Variants in USP6NL observed in about 807,000 individuals in gnomAD.
The protein encoded by USP6NL is USP6 N-terminal like.
A neutral mutation model predicts 61.9 loss-of-function variants in USP6NL; 26 were observed. That is an observed-to-expected ratio of 0.42 (90% CI 0.31 to 0.58). The LOEUF (loss-of-function observed/expected upper bound fraction) is 0.58. Among genes scored for constraint, USP6NL ranks in the 20% least tolerant of loss-of-function variants. The pLI is 0.16. For synonymous variants in USP6NL, 432 were observed against 390.1 expected, an observed-to-expected ratio of 1.11 and a Z score of -1.27; for missense variants, 1,114 against 1,034.3, an observed-to-expected ratio of 1.08 and a Z score of -1.06.
chr10:11,604,370 A>C (rs941040503), intron 1 of USP6NL, among the ~76,000 whole-genome samples: 6 of 152,186 alleles, frequency 3.9e-5, no homozygotes, highest in African/African-American at 1.4e-4. Context: ...CAGCTAAAAC[A>C]AGCTGGTCTA....
Position 11,562,431 on chromosome 10 carries a change from A to G in USP6NL, c.5-34864T>C, listed in dbSNP as rs1186999728. The G allele has an allele frequency of 2.0e-6, 2 of 985,218 alleles. No individual in the cohort carries two copies. Among genetic ancestry groups the G allele is most frequent in the Non-Finnish European group, 2.4e-6 (2 of 829,936 alleles). The allele number at this position is 985,218 out of a possible 1,614,324, so 61.0% of individuals were successfully genotyped here. ...TTCTTCTTGCTTGGCTCTTGGACCT[A>G]AGGATGAAGACGCAGCAGTCATCAC... On this transcript the variant is annotated intron_variant, in intron 2 of 14. Transcript: ENST00000609104. This position sits in a 1 kb window ranked among gnomAD's most constrained non-coding sequence, Gnocchi z 4.8.
intron 2 of USP6NL, among the ~76,000 whole-genome samples, chr10:11,551,838 G>A (rs1170441728): frequency 6.6e-6 from 1 of 152,122 alleles, no homozygotes; most frequent in Non-Finnish European, 1.5e-5. Context: ...CTGTAATTTT[G>A]TATCAAATTA....
At chr10:11,576,994 ATATTTCTC>A (rs1837571317) in intron 2 of USP6NL, among the ~76,000 whole-genome samples, 2 of 151,838 alleles carry the variant, frequency 1.3e-5, no homozygotes, top group Non-Finnish European at 2.9e-5. Context: ...AAAACATGGT[ATATTTCTC>A]TATTTCTAGG....
At chr10:11,550,952 T>G (rs1297551334) in intron 2 of USP6NL, among the ~76,000 whole-genome samples, 1 of 152,084 alleles carries the variant, frequency 6.6e-6, no homozygotes, top group Admixed American at 6.5e-5. Flanking sequence ...GGTACCACTA[T>G]GGTCAAAGTT....
In USP6NL at chr10:11,513,358, G is replaced by A. The variant is rs529942378; in HGVS notation, c.196-3683C>T. 3.9e-5 allele frequency among the ~76,000 whole-genome samples: 6 copies of A among 152,278 alleles called. No homozygotes were observed. The highest frequency in any genetic ancestry group is 3.9e-4 in the East Asian group (2 of 5,184). On this transcript the variant is annotated intron_variant, in intron 5 of 14. Coordinates refer to ENST00000609104, the MANE Select transcript of USP6NL (RefSeq NM_014688.5). This position sits in a 1 kb window ranked among gnomAD's most constrained non-coding sequence, Gnocchi z 4.7. ...TAGAAATGGAATTATTCCATCATGC[G>A]GGTAACACTTTTCAAAGTGTTGCCA... is the stretch of plus-strand genomic sequence containing the variant.
rs568944611 is a variant in USP6NL, at chr10:11,476,540, C to G, written c.1078+5230G>C. On this transcript the variant is annotated intron_variant, in intron 14 of 14. Transcript: ENST00000609104. This position sits in a 1 kb window ranked among gnomAD's most constrained non-coding sequence, Gnocchi z 4.3. Reference sequence around the variant, plus strand: ...GAAATAAAATAAAGGTACAAAAATGCTAACAATAGTTAAATCTATGAGGTG... The same window carrying G: ...GAAATAAAATAAAGGTACAAAAATGGTAACAATAGTTAAATCTATGAGGTG... Among the ~76,000 whole-genome samples the G allele has an allele frequency of 4.6e-5, 7 of 152,234 alleles. No individual in the cohort carries two copies. In the South Asian group the frequency reaches 1.5e-3, roughly 32 times the overall value.
Position 11,581,916 on chromosome 10 carries a change from G to GTGCCCA in USP6NL, c.4+15709_4+15714dup, listed in dbSNP as rs558019033. Among the ~76,000 whole-genome samples, 64 of 152,252 alleles carry GTGCCCA rather than the reference G, an allele frequency of 4.2e-4. No individual in the cohort carries two copies. In the East Asian group the frequency reaches 0.012, roughly 28 times the overall value. On this transcript the variant is annotated intron_variant, in intron 2 of 14. Transcript: ENST00000609104. Reference sequence around the variant, plus strand: ...GCCTCCCCAGTAGCTGGAATTACAGGTGCCCACCACCACGCCGGGCTAATT... The same window carrying GTGCCCA: ...GCCTCCCCAGTAGCTGGAATTACAGGTGCCCATGCCCACCACCACGCCGGGCTAATT...
At chr10:11,472,806 T>G (rs1485821209) in intron 14 of USP6NL, among the ~76,000 whole-genome samples, 1 of 152,198 alleles carries the variant, frequency 6.6e-6, no homozygotes, top group Non-Finnish European at 1.5e-5. Context: ...TATAGTTGGG[T>G]TCATAGGCTT....
chr10:11,548,290 G>C lies in USP6NL; in HGVS notation c.5-20723C>G, dbSNP rs2133479354. Among the ~76,000 whole-genome samples, 1 of 152,242 alleles carries C rather than the reference G, an allele frequency of 6.6e-6. No homozygotes were observed. The highest frequency in any genetic ancestry group is 6.5e-5 in the Admixed American group (1 of 15,290). On this transcript the variant is annotated intron_variant, in intron 2 of 14. Coordinates refer to ENST00000609104, the MANE Select transcript of USP6NL (RefSeq NM_014688.5). This position sits in a 1 kb window ranked among gnomAD's most constrained non-coding sequence, Gnocchi z 4.3. ...CAACATGATACCCCGGAAAAGGTTT[G>C]GTGGGAGAACAGCAGCACTATTACC...
intron 3 of USP6NL, among the ~76,000 whole-genome samples, chr10:11,527,056 A>G (rs1285533732): frequency 2.6e-5 from 4 of 152,218 alleles, no homozygotes; most frequent in Non-Finnish European, 4.4e-5. Context: ...TACAAAAGTA[A>G]ATCAAACAAA....
intron 4 of USP6NL, among the ~76,000 whole-genome samples, chr10:11,521,009 G>C (rs922552714): frequency 6.6e-6 from 1 of 152,198 alleles, no homozygotes; most frequent in Non-Finnish European, 1.5e-5. Context: ...TCTCTGGAAA[G>C]AGAGAGACCT....
chr10:11,601,964 G>A (rs550029606), intron 1 of USP6NL, among the ~76,000 whole-genome samples: 117 of 151,924 alleles, frequency 7.7e-4, no homozygotes, highest in African/African-American at 2.8e-3. Flanking sequence ...TTGCTATTTA[G>A]TGAACTGTCC....
chr10:11,577,266 A>G (rs1362252567), intron 2 of USP6NL, among the ~76,000 whole-genome samples: 1 of 151,950 alleles, frequency 6.6e-6, no homozygotes, highest in East Asian at 1.9e-4. Flanking sequence ...GGGTTTCACC[A>G]TGTTAGCCAG....
intron 2 of USP6NL, among the ~76,000 whole-genome samples, chr10:11,547,287 T>G (rs1251943542): frequency 1.3e-5 from 2 of 152,194 alleles, no homozygotes; most frequent in African/African-American, 4.8e-5. Flanking sequence ...CATATTGTCA[T>G]ACGTAAACTC....
intron 2 of USP6NL, among the ~76,000 whole-genome samples, chr10:11,558,602 C>G (rs1175298780): frequency 6.6e-6 from 1 of 152,144 alleles, no homozygotes; most frequent in Non-Finnish European, 1.5e-5. Context: ...ATCCATGGAA[C>G]CCATAATCAA....
rs2096222543 is a variant in USP6NL, at chr10:11,463,001, G to C, written c.1927C>G (p.Pro643Ala). The C allele has an allele frequency of 6.2e-7, 1 of 1,613,846 alleles. No homozygotes were observed. The highest frequency in any genetic ancestry group is 2.2e-5 in the East Asian group (1 of 44,890). ...CTGTTGGCAGTAGGGAAGTGTTTGG[G>C]AGAGTTTCCGTGGTAAACGGGGGGA... ...SNPPVYHGNS[P>A]KHFPTANSSF... The change falls in exon 15 of 15, where the codon CCC (proline) becomes GCC (alanine). Residue 643 changes from proline (P) to alanine (A), a missense_variant. Physicochemically the swap from Pro to Ala is conservative, Grantham distance 27. Transcript: ENST00000609104. This position sits in a 1 kb window ranked among gnomAD's most constrained non-coding sequence, Gnocchi z 6.3.
chr10:11,532,080 CAATAA>C lies in USP6NL; in HGVS notation c.5-4518_5-4514del. On this transcript the variant is annotated intron_variant, in intron 2 of 14. Coordinates refer to ENST00000609104, the MANE Select transcript of USP6NL (RefSeq NM_014688.5). This position sits in a 1 kb window ranked among gnomAD's most constrained non-coding sequence, Gnocchi z 4.1. The stretch of plus-strand genomic sequence containing the variant: ...ATACAAAGTTACTAAGGTTCATTTC[CAATAA>C]AATAAAATTTACAGCAGACCATTTT... 1 of 885,112 alleles carries C rather than the reference CAATAA, an allele frequency of 1.1e-6. No individual in the cohort carries two copies. The highest frequency in any genetic ancestry group is 1.8e-5 in the South Asian group (1 of 54,804). 54.8% of individuals were successfully genotyped at this position (885,112 alleles called of 1,614,324 possible). A position where few individuals can be genotyped will look rare whatever the true frequency, so the allele number is the denominator to read the frequency against.
At chr10:11,502,496 T>C (rs558617061) in intron 6 of USP6NL, among the ~76,000 whole-genome samples, 100 of 152,220 alleles carry the variant, frequency 6.6e-4, no homozygotes, top group Non-Finnish European at 1.2e-3. Flanking sequence ...AAATAAATTA[T>C]AGCAGAAGCC....
intron 4 of USP6NL, among the ~76,000 whole-genome samples, chr10:11,523,700 G>A (rs1835313117): frequency 6.6e-6 from 1 of 152,068 alleles, no homozygotes. Flanking sequence ...AGAAAATTTA[G>A]GTAATTAATA....
Sources: gnomAD v4.1 joint callset for allele counts (sites outside exome capture counted in the v4.1 genomes callset) on GRCh38, gnomAD v4.1.1 for gene constraint, Gnocchi (gnomAD v3.1) non-coding constraint, MANE v1.5 for transcripts, NCBI Gene and HGNC (gene_info 2026-07-23, HGNC 2026-07-21) for gene names.